IFT80: variants seen among roughly 807,000 people sequenced by gnomAD.
IFT80 encodes intraflagellar transport 80.
A neutral mutation model predicts 107.9 loss-of-function variants in IFT80; 79 were observed. The ratio of observed to expected loss-of-function variants is 0.73; its 90% CI spans 0.61 to 0.88. The LOEUF is 0.88. IFT80 is among the 40% of genes least tolerant of loss of function. The pLI, the probability that IFT80 is intolerant of heterozygous loss-of-function variation, is 0.00. For synonymous variants in IFT80, 299 were observed against 300.9 expected, an observed-to-expected ratio of 0.99 and a Z score of 0.07; for missense variants, 797 against 914.2, an observed-to-expected ratio of 0.87 and a Z score of 1.65.
At chr3:160,391,303 A>G (rs1713362900) in intron 1 of IFT80, among the ~76,000 whole-genome samples, 1 of 152,190 alleles carries the variant, frequency 6.6e-6, no homozygotes, top group South Asian at 2.1e-4. Flanking sequence ...CAACAGTAAT[A>G]GTACGTACCT....
intron 6 of IFT80, among the ~76,000 whole-genome samples, chr3:160,363,513 A>T (rs1032739819): frequency 6.6e-6 from 1 of 152,212 alleles, no homozygotes; most frequent in Non-Finnish European, 1.5e-5. Flanking sequence ...GGAAAAAACT[A>T]CTTTAAAGTT....
rs571924443 is a variant in IFT80, at chr3:160,344,587, A to G, written c.777+11426T>C. Among the ~76,000 whole-genome samples, 18 of 152,312 alleles carry G rather than the reference A, an allele frequency of 1.2e-4. No homozygotes were observed. In the South Asian group the frequency reaches 3.5e-3, roughly 30 times the overall value. ...ACAGGCAACCAAAGCAAAAACGGACAAATGGGATCACATCAAGTTAAAAAG... is the reference window on the plus strand; with the variant it reads ...ACAGGCAACCAAAGCAAAAACGGACGAATGGGATCACATCAAGTTAAAAAG... On this transcript the variant is annotated intron_variant, in intron 8 of 19. Coordinates refer to ENST00000326448, the MANE Select transcript of IFT80 (RefSeq NM_020800.3).
chr3:160,375,899 A>G lies in IFT80; in HGVS notation c.371-19T>C. 5.3e-6 allele frequency: 8 copies of G among 1,495,768 alleles called. No individual in the cohort carries two copies. Among genetic ancestry groups the G allele is most frequent in the Non-Finnish European group, 7.4e-6 (8 of 1,075,418 alleles). 92.7% of individuals were successfully genotyped at this position (1,495,768 alleles called of 1,614,324 possible). A position where few individuals can be genotyped will look rare whatever the true frequency, so the allele number is the denominator to read the frequency against. On this transcript the variant is annotated intron_variant, in intron 4 of 19. Transcript: ENST00000326448. ...TCTCCAACTATACAGGGAAAAAAAA[A>G]TTAATCAGTATTTTTACCTATAGAA...
chr3:160,279,575 T>C (rs1217709444), intron 15 of IFT80, among the ~76,000 whole-genome samples: 1 of 152,248 alleles, frequency 6.6e-6, no homozygotes, highest in East Asian at 1.9e-4. Context: ...TGGAATTAAC[T>C]TTGAATGTAA....
rs556278591 is a variant in IFT80, at chr3:160,272,654, A to T, written c.2100-4118T>A. 1.3e-4 allele frequency among the ~76,000 whole-genome samples: 20 copies of T among 152,290 alleles called. No homozygotes were observed. The South Asian group carries it at 3.5e-3, about 27-fold the overall frequency. Reference sequence around the variant, plus strand: ...CTCTCTTTTCTTAAGTTTTCGTGATAAACCTCAGCCATACTCATGGCCTCA... The same window carrying T: ...CTCTCTTTTCTTAAGTTTTCGTGATTAACCTCAGCCATACTCATGGCCTCA... On this transcript the variant is annotated intron_variant, in intron 18 of 19. Transcript: ENST00000326448.
chr3:160,353,479 T>A (rs1720860499), intron 8 of IFT80, among the ~76,000 whole-genome samples: 2 of 152,216 alleles, frequency 1.3e-5, no homozygotes, highest in African/African-American at 4.8e-5. Context: ...AGTCCATCTA[T>A]CTTTTCTGTA....
intron 9 of IFT80, among the ~76,000 whole-genome samples, chr3:160,312,572 T>C (rs368002928): frequency 9.7e-6 from 1 of 102,728 alleles, no homozygotes; most frequent in South Asian, 2.5e-4. Flanking sequence ...AGATGAGTCT[T>C]ATATATATAT....
At chr3:160,358,822 A>G (rs139354852) in intron 6 of IFT80, among the ~76,000 whole-genome samples, 13 of 152,314 alleles carry the variant, frequency 8.5e-5, no homozygotes, top group African/African-American at 2.9e-4. Flanking sequence ...TTATTTATTA[A>G]TGTATTAGGC....
chr3:160,264,627 C>T (rs772241620), intron 19 of IFT80, among the ~76,000 whole-genome samples: 3 of 139,922 alleles, frequency 2.1e-5, no homozygotes, highest in Non-Finnish European at 4.6e-5. Context: ...TTGGTAGAGA[C>T]AGGGTTTAAC....
At chr3:160,363,803 A>G (rs1460936145) in intron 6 of IFT80, among the ~76,000 whole-genome samples, 2 of 152,228 alleles carry the variant, frequency 1.3e-5, no homozygotes, top group Non-Finnish European at 2.9e-5. Context: ...CTGGTTAGCC[A>G]TATATAGAAA....
At chr3:160,322,930 A>G (rs1718365726) in intron 8 of IFT80, among the ~76,000 whole-genome samples, 1 of 151,534 alleles carries the variant, frequency 6.6e-6, no homozygotes, top group South Asian at 2.1e-4. Flanking sequence ...TAGATTCTGG[A>G]TATTAGCCCT....
chr3:160,390,567 T>G (rs1713306205), intron 1 of IFT80, among the ~76,000 whole-genome samples: 1 of 152,150 alleles, frequency 6.6e-6, no homozygotes, highest in Admixed American at 6.5e-5. Flanking sequence ...AAAACTTAGA[T>G]GGTGAAGAAC....
intron 8 of IFT80, among the ~76,000 whole-genome samples, chr3:160,333,743 A>G (rs1185456951): frequency 2.6e-5 from 4 of 152,178 alleles, no homozygotes; most frequent in African/African-American, 9.7e-5. Context: ...TACTTCCTGA[A>G]GGACCTATGT....
chr3:160,266,893 T>C (rs534311872), intron 19 of IFT80, among the ~76,000 whole-genome samples: 1 of 152,238 alleles, frequency 6.6e-6, no homozygotes, highest in Non-Finnish European at 1.5e-5. Flanking sequence ...TTTGGGCTGC[T>C]TAGCACTGTT....
rs561088812 is a variant in IFT80 at position 160,266,162 on chromosome 3, GA to G, written c.2223+2250del. 2.6e-3 allele frequency among the ~76,000 whole-genome samples: 384 copies of G among 145,576 alleles called. 1 individual carries two copies. Among genetic ancestry groups the G allele is most frequent in the Non-Finnish European group, 4.6e-3 (306 of 65,964 alleles). ...AAGTAACCTATATAGTTTCTGGATG[GA>G]AAAAAAAAACCCTAAAATACCTAAG... On this transcript the variant is annotated intron_variant, in intron 19 of 19. Coordinates refer to ENST00000326448, the MANE Select transcript of IFT80 (RefSeq NM_020800.3).
At chr3:160,319,716 T>C (rs768704581) in intron 9 of IFT80, 44 bp downstream of exon 9, 26 of 1,439,056 alleles carry the variant, frequency 1.8e-5, no homozygotes, top group Admixed American at 1.0e-4. Flanking sequence ...AGTTAACTAA[T>C]ATGAAAAGAA....
intron 19 of IFT80, among the ~76,000 whole-genome samples, chr3:160,266,982 G>T (rs1321153499): frequency 6.6e-6 from 1 of 152,024 alleles, no homozygotes; most frequent in African/African-American, 2.4e-5. Context: ...TGTCCTAATA[G>T]TAGAGTATGC....
In IFT80 at chr3:160,277,355, G is replaced by A. The variant is rs539267353; in HGVS notation, c.2050C>T (p.Leu684Phe). The A allele has an allele frequency of 4.5e-5, 72 of 1,613,532 alleles. 1 individual carries two copies. The South Asian group carries it at 7.1e-4, about 16-fold the overall frequency. Residue 684 changes from leucine (L) to phenylalanine (F), a missense_variant, in exon 18 of 20, where the codon CTT becomes TTT. By Grantham distance (22) the Leu-to-Phe change is conservative. Transcript: ENST00000326448. ...EAEIVLLQAG[L>F]VYQAIQININ... ...TTGATCTGGATTGCTTGATAAACAA[G>A]GCCAGCCTGAAGAAGTACTATTTCA...
Position 160,353,248 on chromosome 3 carries a change from C to T in IFT80, c.777+2765G>A, listed in dbSNP as rs908177270. Among the ~76,000 whole-genome samples the T allele has an allele frequency of 3.9e-5, 6 of 152,254 alleles. No homozygotes were observed. The East Asian group carries it at 9.6e-4, about 24-fold the overall frequency. On this transcript the variant is annotated intron_variant, in intron 8 of 19. Transcript: ENST00000326448. Reference sequence around the variant, plus strand: ...ATGGCTCTCTACTGACTAATATACTCAATTGCCAACCTCACTGTTTTTCAG... The same window carrying T: ...ATGGCTCTCTACTGACTAATATACTTAATTGCCAACCTCACTGTTTTTCAG...
Sources: allele counts gnomAD v4.1 joint callset (sites outside exome capture counted in the v4.1 genomes callset), GRCh38; gene constraint gnomAD v4.1.1; transcripts MANE v1.5; gene names NCBI Gene and HGNC (gene_info 2026-07-23, HGNC 2026-07-21).